PHF13: variants seen among roughly 807,000 people sequenced by gnomAD.
PHF13 encodes PHD finger protein 13.
Under a neutral mutation model 25.8 loss-of-function variants are expected in PHF13, and 1 was observed. The observed-to-expected ratio is 0.04, with a 90% CI of 0.01 to 0.18. The LOEUF is 0.18. Ranked by LOEUF, PHF13 falls within the 10% of genes least tolerant of loss-of-function variation. The pLI is 1.00. For synonymous variants in PHF13, 195 were observed against 162.4 expected, an observed-to-expected ratio of 1.20 and a Z score of -1.53; for missense variants, 306 against 403.2, an observed-to-expected ratio of 0.76 and a Z score of 2.06.
At chr1:6,617,667 T>C (rs1641281017) in intron 2 of PHF13, among the ~76,000 whole-genome samples, 2 of 152,080 alleles carry the variant, frequency 1.3e-5, no homozygotes, top group South Asian at 4.1e-4. Flanking sequence ...GACCTCATGA[T>C]CCACCCGCCT....
At chr1:6,617,979 A>G (rs1437551063) in intron 2 of PHF13, among the ~76,000 whole-genome samples, 2 of 152,194 alleles carry the variant, frequency 1.3e-5, no homozygotes, top group Non-Finnish European at 2.9e-5. Context: ...GGCTGCCCGA[A>G]ATGCGTATGA....
chr1:6,614,128 A>T, intron 1 of PHF13, 23 bp downstream of exon 1: 1 of 1,594,318 alleles, frequency 6.3e-7, no homozygotes, highest in South Asian at 1.1e-5. Flanking sequence ...GTGCGTCCGA[A>T]TCGCCCCCGA....
At chr1:6,616,246 C>G (rs1247937520) in intron 1 of PHF13, among the ~76,000 whole-genome samples, 1 of 151,860 alleles carries the variant, frequency 6.6e-6, no homozygotes, top group African/African-American at 2.4e-5. Flanking sequence ...TCAGGCTGGT[C>G]TCGAACTCCT....
At chr1:6,618,971 A>T (rs1196131242) in intron 2 of PHF13, among the ~76,000 whole-genome samples, 2 of 152,116 alleles carry the variant, frequency 1.3e-5, no homozygotes, top group Non-Finnish European at 2.9e-5. Flanking sequence ...TAGCAAGACA[A>T]GGAGGACGTT....
At chr1:6,614,565 CTCCCCCGA>C (rs1641225656) in intron 1 of PHF13, 1 of 155,242 alleles carries the variant, frequency 6.4e-6, no homozygotes, top group Non-Finnish European at 1.4e-5. Context: ...CCCCCGGCTG[CTCCCCCGA>C]TCCCCCGGGC....
At chr1:6,614,906 G>C (rs1452754822) in intron 1 of PHF13, among the ~76,000 whole-genome samples, 2 of 150,850 alleles carry the variant, frequency 1.3e-5, no homozygotes, top group Admixed American at 1.3e-4. Flanking sequence ...CCGCGGGCGG[G>C]TGGGGGAGGG....
At position 6,621,715 on chromosome 1, in the gene PHF13, C is replaced by G. The variant is rs1641342881; in HGVS notation, c.*78C>G. On this transcript the variant is annotated 3_prime_UTR_variant, in exon 4 of 4. Coordinates refer to ENST00000377648, the MANE Select transcript of PHF13 (RefSeq NM_153812.3). This position sits in a 1 kb window ranked among gnomAD's most constrained non-coding sequence, Gnocchi z 4.8. ...TTTTTGCCCTTCTCTTAGTTGAGCA[C>G]AGAACCCTCAGCTCTGGTGCGGGCA... 4.3e-6 allele frequency: 6 copies of G among 1,397,190 alleles called. No individual in the cohort carries two copies. The Admixed American group carries it at 9.1e-5, about 21-fold the overall frequency. 86.5% of individuals were successfully genotyped at this position (1,397,190 alleles called of 1,614,324 possible). A position where few individuals can be genotyped will look rare whatever the true frequency, so the allele number is the denominator to read the frequency against.
chr1:6,621,785 A>C lies in PHF13; in HGVS notation c.*148A>C. 1 of 779,172 alleles carries C rather than the reference A, an allele frequency of 1.3e-6. No homozygotes were observed. The highest frequency in any genetic ancestry group is 2.7e-5 in the East Asian group (1 of 37,450). The allele number at this position is 779,172 out of a possible 1,614,324, so 48.3% of individuals were successfully genotyped here. ...CCTAAGCAAAAGGACAGGCTGTCCA[A>C]GGTAGAAACTGTACATAGCCGGTGA... On this transcript the variant is annotated 3_prime_UTR_variant, in exon 4 of 4. Transcript: ENST00000377648. This position sits in a 1 kb window ranked among gnomAD's most constrained non-coding sequence, Gnocchi z 4.8.
chr1:6,616,204 T>A (rs1020536923), intron 1 of PHF13, among the ~76,000 whole-genome samples: 3 of 151,938 alleles, frequency 2.0e-5, no homozygotes, highest in Non-Finnish European at 4.4e-5. Context: ...AATTTTTGTA[T>A]TTTTAGTAGA....
intron 2 of PHF13, among the ~76,000 whole-genome samples, 189 bp from the exon 3 acceptor site, chr1:6,619,614 C>T (rs1181082900): frequency 6.6e-6 from 1 of 152,056 alleles, no homozygotes; most frequent in East Asian, 1.9e-4. Context: ...GCTGGGATTA[C>T]AGGTGTGAGC....
At chr1:6,614,816 T>G (rs1379275499) in intron 1 of PHF13, among the ~76,000 whole-genome samples, 1 of 148,850 alleles carries the variant, frequency 6.7e-6, no homozygotes, top group Non-Finnish European at 1.5e-5. Flanking sequence ...GGATCGGCCC[T>G]CGGGGCTCCC....
Position 6,621,681 on chromosome 1 carries a change from C to T in PHF13, c.*44C>T. On this transcript the variant is annotated 3_prime_UTR_variant, in exon 4 of 4. Transcript: ENST00000377648. The surrounding 1 kb of genome is among the most constrained non-coding windows in gnomAD (Gnocchi z 4.8). ...GCTGCGAGCGTGGAATCGGAAGCGA[C>T]CGCGGGCTTTTTTGCCCTTCTCTTA... 1 of 1,595,548 alleles carries T rather than the reference C, an allele frequency of 6.3e-7. No homozygotes were observed. Among genetic ancestry groups the T allele is most frequent in the Non-Finnish European group, 8.6e-7 (1 of 1,165,000 alleles).
chr1:6,617,050 A>C (rs1641272305), intron 2 of PHF13, among the ~76,000 whole-genome samples, 192 bp downstream of exon 2: 1 of 152,078 alleles, frequency 6.6e-6, no homozygotes, highest in Non-Finnish European at 1.5e-5. Context: ...TGGTTCTAAA[A>C]CTCTGGTAAA....
chr1:6,614,328 C>T (rs1040034570), intron 1 of PHF13: 48 of 529,706 alleles, frequency 9.1e-5, no homozygotes, highest in African/African-American at 7.0e-4. Context: ...CCTCCGCGTC[C>T]TCCCCGCGCC....
rs1466763631 is a variant in PHF13 at position 6,623,573 on chromosome 1, C to T, written c.*1936C>T. ...TCCATGTGACTTTAGAATGGAACTG[C>T]CGGCCCTGGCAACTGTCACGTGTGC... On this transcript the variant is annotated 3_prime_UTR_variant, in exon 4 of 4. Coordinates refer to ENST00000377648, the MANE Select transcript of PHF13 (RefSeq NM_153812.3). The T allele has an allele frequency of 6.6e-6, 1 of 152,618 alleles. No homozygotes were observed. The highest frequency in any genetic ancestry group is 1.9e-4 in the East Asian group (1 of 5,204). 9.5% of individuals were successfully genotyped at this position (152,618 alleles called of 1,614,324 possible).
Position 6,621,083 on chromosome 1 carries a change from A to G in PHF13, c.677-328A>G, listed in dbSNP as rs1641332110. Among the ~76,000 whole-genome samples the G allele has an allele frequency of 6.7e-6, 1 of 150,216 alleles. No individual in the cohort carries two copies. Among genetic ancestry groups the G allele is most frequent in the Non-Finnish European group, 1.5e-5 (1 of 67,700 alleles). ...TGTGGTGGTGTGTGCCTGTAGTCCCAGCTATTTGGGAGGCTGAGGTGGGAG... is the reference window on the plus strand; with the variant it reads ...TGTGGTGGTGTGTGCCTGTAGTCCCGGCTATTTGGGAGGCTGAGGTGGGAG... On this transcript the variant is annotated intron_variant, in intron 3 of 3. Coordinates refer to ENST00000377648, the MANE Select transcript of PHF13 (RefSeq NM_153812.3). The surrounding 1 kb of genome is among the most constrained non-coding windows in gnomAD (Gnocchi z 4.8).
chr1:6,616,770 G>A lies in PHF13; in HGVS notation c.53G>A (p.Ser18Asn). The change falls in exon 2 of 4, where the codon AGT becomes AAT. Residue 18 changes from serine to asparagine, a missense_variant. Transcript: ENST00000377648. Reference protein sequence around the residue: ...AAFHPEEYSPSCKRRRTVEDF... With the variant: ...AAFHPEEYSPNCKRRRTVEDF... The stretch of plus-strand genomic sequence containing the variant: ...TCCCCTTAATAGGAATACTCCCCCA[G>A]TTGCAAGAGGCGCAGGACCGTGGAA... 1 of 1,614,064 alleles carries A rather than the reference G, an allele frequency of 6.2e-7. No homozygotes were observed. Among genetic ancestry groups the A allele is most frequent in the Non-Finnish European group, 8.5e-7 (1 of 1,179,944 alleles).
At position 6,622,446 on chromosome 1, in the gene PHF13, G is replaced by A. The variant is rs888548081; in HGVS notation, c.*809G>A. 8.5e-5 allele frequency: 13 copies of A among 152,678 alleles called. No individual in the cohort carries two copies. Among genetic ancestry groups the A allele is most frequent in the Non-Finnish European group, 2.9e-5 (2 of 68,156 alleles). The allele number at this position is 152,678 out of a possible 1,614,324, so 9.5% of individuals were successfully genotyped here. A position where few individuals can be genotyped will look rare whatever the true frequency, so the allele number is the denominator to read the frequency against. On this transcript the variant is annotated 3_prime_UTR_variant, in exon 4 of 4. Coordinates refer to ENST00000377648, the MANE Select transcript of PHF13 (RefSeq NM_153812.3). ...CCTCTTAGTTGGTGTGTGAGGTCTT[G>A]GTGGGCTCAGGCCAGCTGTTTGCGA...
In PHF13 at chr1:6,620,066, CA is replaced by C; in HGVS notation, c.406del (p.Arg136GlyfsTer5). ...GTGATGCGCCTGGGAAAGAGGGGTA[CA>C]GGGGGGGCTTGCTGAAGCTGGAAGC... ...DSDAPGKEGYRGGLLKLEAAD... is the reference protein window; with the variant it reads ...DSDAPGKEGYXGGLLKLEAAD... On this transcript the variant is annotated frameshift_variant, in exon 3 of 4. Transcript: ENST00000377648. LOFTEE classifies it high-confidence loss of function. 1 of 1,613,380 alleles carries C rather than the reference CA, an allele frequency of 6.2e-7. No homozygotes were observed. The highest frequency in any genetic ancestry group is 8.5e-7 in the Non-Finnish European group (1 of 1,179,956).
Sources: gnomAD v4.1 joint callset for allele counts (sites outside exome capture counted in the v4.1 genomes callset) on GRCh38, gnomAD v4.1.1 for gene constraint, Gnocchi (gnomAD v3.1) non-coding constraint, MANE v1.5 for transcripts, NCBI Gene and HGNC (gene_info 2026-07-23, HGNC 2026-07-21) for gene names.